Variants in STAB2 observed in about 807,000 individuals in gnomAD.
STAB2 encodes stabilin 2, also known as stabilin-2.
Under a neutral mutation model 338.1 loss-of-function variants are expected in STAB2, and 288 were observed. The ratio of observed to expected loss-of-function variants is 0.85; its 90% CI spans 0.77 to 0.94. The LOEUF (loss-of-function observed/expected upper bound fraction) is 0.94, where lower values mean the gene tolerates loss of function less well. Ranked by LOEUF, STAB2 falls within the 40% of genes least tolerant of loss-of-function variation. The probability of loss-of-function intolerance (pLI) is 0.00; values close to 1 mark genes in which losing one functional copy is unlikely to be tolerated. For synonymous variants in STAB2, 1,202 were observed against 1,193.3 expected (o/e 1.01, Z -0.15); for missense variants, 3,141 against 3,210.1 (o/e 0.98, Z 0.52).
chr12:103,678,329 T>C (rs1279836217), intron 25 of STAB2, among the ~76,000 whole-genome samples: 1 of 152,222 alleles, frequency 6.6e-6, no homozygotes, highest in African/African-American at 2.4e-5. Context: ...ATGGCTCTGT[T>C]TGAGGAAAGC....
Position 103,668,741 on chromosome 12 carries a change from G to T in STAB2, c.2172+12G>T. On this transcript the variant is annotated intron_variant, in intron 20 of 68. Coordinates refer to ENST00000388887, the MANE Select transcript of STAB2 (RefSeq NM_017564.10). ...ATGCCACTGTGAAGGTGAGGAGCGC[G>T]TGGCCGAGGCCCAGTCTAGGCCAGT... is the stretch of plus-strand genomic sequence containing the variant. 1 of 1,535,476 alleles carries T rather than the reference G, an allele frequency of 6.5e-7. No individual in the cohort carries two copies. Among genetic ancestry groups the T allele is most frequent in the Non-Finnish European group, 8.8e-7 (1 of 1,136,590 alleles).
In STAB2 at chr12:103,740,576, G is replaced by A. The variant is rs1882497653; in HGVS notation, c.5755-54G>A. 9.5e-6 allele frequency: 15 copies of A among 1,579,954 alleles called. No homozygotes were observed. In the South Asian group the frequency reaches 1.8e-4, roughly 19 times the overall value. On this transcript the variant is annotated intron_variant, in intron 54 of 68. Transcript: ENST00000388887. ...CATGAGGGCACAGACTAGAGCCCCAGAGCCCTAGTCCCTGCAGTGGTAAGT... is the reference window on the plus strand; with the variant it reads ...CATGAGGGCACAGACTAGAGCCCCAAAGCCCTAGTCCCTGCAGTGGTAAGT...
At chr12:103,661,614 G>A (rs547757779) in intron 17 of STAB2, among the ~76,000 whole-genome samples, 1 of 152,336 alleles carries the variant, frequency 6.6e-6, no homozygotes, top group South Asian at 2.1e-4. Flanking sequence ...AAGCAAGGAA[G>A]GGGGACAGAA....
chr12:103,603,364 C>T (rs547442982), intron 3 of STAB2, among the ~76,000 whole-genome samples: 5 of 152,318 alleles, frequency 3.3e-5, no homozygotes, highest in South Asian at 2.1e-4. Context: ...GCCACCGCAC[C>T]GGCCTATTCC....
At chr12:103,698,724 C>T (rs1174708835) in intron 33 of STAB2, among the ~76,000 whole-genome samples, 1 of 152,148 alleles carries the variant, frequency 6.6e-6, no homozygotes, top group Admixed American at 6.5e-5. Flanking sequence ...TTGGAGCATC[C>T]TAGTGAAGCT....
intron 35 of STAB2, 81 bp from the exon 36 acceptor site, chr12:103,704,477 A>T: frequency 7.0e-7 from 1 of 1,421,524 alleles, no homozygotes; most frequent in East Asian, 2.3e-5. Flanking sequence ...TAATTCAAAA[A>T]CCTTCATTTC....
rs1442013207 is a variant in STAB2, at chr12:103,750,504, G to T, written c.6439-75G>T. On this transcript the variant is annotated intron_variant, in intron 59 of 68. Coordinates refer to ENST00000388887, the MANE Select transcript of STAB2 (RefSeq NM_017564.10). ...CTGAACACCTCCTAGGCTGGACATT[G>T]GTCCCATGGGCACTTGGGCATCCTG... 16 of 1,576,886 alleles carry T rather than the reference G, an allele frequency of 1.0e-5. No homozygotes were observed. The South Asian group carries it at 1.2e-4, about 11-fold the overall frequency.
At chr12:103,645,232 A>G (rs1873243053) in intron 9 of STAB2, among the ~76,000 whole-genome samples, 1 of 152,256 alleles carries the variant, frequency 6.6e-6, no homozygotes, top group Non-Finnish European at 1.5e-5. Context: ...ACAATTTCCT[A>G]AAGAGGTGAT....
chr12:103,654,435 C>A, intron 12 of STAB2, 120 bp from the exon 13 acceptor site: 2 of 1,123,112 alleles, frequency 1.8e-6, no homozygotes, highest in Non-Finnish European at 2.4e-6. Flanking sequence ...GTGACTTATC[C>A]AAAATCACAT....
At position 103,727,263 on chromosome 12, in the gene STAB2, A is replaced by G. The variant is rs147827190; in HGVS notation, c.4852-4A>G. The G allele has an allele frequency of 1.2e-6, 2 of 1,614,244 alleles. No individual in the cohort carries two copies. The highest frequency in any genetic ancestry group is 1.3e-5 in the African/African-American group (1 of 75,060). ...ATGTGTGAGCCTCACCTTTCTTCCC[A>G]CAGGAGCATTTCGTGAAAGATCTGG... On this transcript the variant is annotated splice_region_variant and splice_polypyrimidine_tract_variant and intron_variant, in intron 46 of 68. Transcript: ENST00000388887.
intron 5 of STAB2, among the ~76,000 whole-genome samples, chr12:103,626,089 G>A (rs1469892798): frequency 6.6e-6 from 1 of 152,120 alleles, no homozygotes; most frequent in Non-Finnish European, 1.5e-5. Flanking sequence ...TAAGAAAACT[G>A]GAAACTTAAA....
intron 1 of STAB2, among the ~76,000 whole-genome samples, chr12:103,587,961 A>G (rs1453971417): frequency 6.6e-6 from 1 of 152,256 alleles, no homozygotes; most frequent in African/African-American, 2.4e-5. Context: ...ACTAAGGAAC[A>G]CAAGTATCAG....
intron 41 of STAB2, 137 bp from the exon 42 acceptor site, chr12:103,713,506 T>G: frequency 1.6e-6 from 2 of 1,284,420 alleles, no homozygotes; most frequent in Non-Finnish European, 2.2e-6. Flanking sequence ...TCTCTGTTTT[T>G]GGGAATTGGC....
At chr12:103,608,335 G>T (rs148874629) in intron 3 of STAB2, among the ~76,000 whole-genome samples, 2 of 152,094 alleles carry the variant, frequency 1.3e-5, no homozygotes, top group Admixed American at 6.5e-5. Flanking sequence ...GTGGAGACAG[G>T]GTTTCACCGT....
chr12:103,661,218 A>C (rs1305064370), intron 17 of STAB2, among the ~76,000 whole-genome samples: 54 of 24,094 alleles, frequency 2.2e-3, no homozygotes, highest in African/African-American at 7.8e-3. Context: ...AGTTCCAGAC[A>C]AAAAAAAAAA....
At chr12:103,590,106 G>A (rs540083261) in intron 1 of STAB2, among the ~76,000 whole-genome samples, 34 of 152,236 alleles carry the variant, frequency 2.2e-4, no homozygotes, top group African/African-American at 8.2e-4. Context: ...TCTCGGGGAG[G>A]ATCAGCCTCG....
intron 5 of STAB2, among the ~76,000 whole-genome samples, chr12:103,630,860 C>T (rs1957449611): frequency 6.6e-6 from 1 of 152,226 alleles, no homozygotes; most frequent in Admixed American, 6.5e-5. Context: ...GGACTTCTCA[C>T]CTCCAGAATT....
intron 10 of STAB2, 47 bp from the exon 11 acceptor site, chr12:103,650,449 C>T: frequency 6.4e-7 from 1 of 1,560,400 alleles, no homozygotes; most frequent in Non-Finnish European, 8.8e-7. Flanking sequence ...TCCTGTACCA[C>T]TGACTCATTT....
intron 3 of STAB2, among the ~76,000 whole-genome samples, chr12:103,609,699 C>G (rs542120626): frequency 1.3e-5 from 2 of 152,096 alleles, no homozygotes; most frequent in Non-Finnish European, 2.9e-5. Flanking sequence ...TGCCTGATTG[C>G]CCTGGCCAGA....
Sources: gnomAD v4.1 joint callset for allele counts (sites outside exome capture counted in the v4.1 genomes callset) on GRCh38, gnomAD v4.1.1 for gene constraint, MANE v1.5 for transcripts, NCBI Gene and HGNC (gene_info 2026-07-23, HGNC 2026-07-21) for gene names.